ZNF521: variants seen among roughly 807,000 people sequenced by gnomAD.
ZNF521 encodes the protein zinc finger protein 521.
A neutral mutation model predicts 105.5 loss-of-function variants in ZNF521; 14 were observed. The ratio of observed to expected loss-of-function variants is 0.13; its 90% CI spans 0.09 to 0.21. The LOEUF is 0.21. ZNF521 is among the 10% of genes least tolerant of loss of function. The pLI is 1.00. For missense variants in ZNF521, 1,233 were observed against 1,629.7 expected (o/e 0.76, Z 4.19); for synonymous variants, 635 against 606.0 (o/e 1.05, Z -0.70).
chr18:25,121,780 C>A (rs1487021490), intron 5 of ZNF521, among the ~76,000 whole-genome samples: 1 of 152,038 alleles, frequency 6.6e-6, no homozygotes, highest in Non-Finnish European at 1.5e-5. Flanking sequence ...ACTCCTCCCC[C>A]CAAATATAAA....
intron 7 of ZNF521, among the ~76,000 whole-genome samples, chr18:25,064,193 T>C (rs1237811642): frequency 6.6e-6 from 1 of 152,218 alleles, no homozygotes; most frequent in East Asian, 1.9e-4. Context: ...GCCTTCAAAG[T>C]GCTCACAGTC....
chr18:25,340,620 T>C (rs1237287489), intron 2 of ZNF521, among the ~76,000 whole-genome samples: 2 of 152,244 alleles, frequency 1.3e-5, no homozygotes, highest in Non-Finnish European at 2.9e-5. Flanking sequence ...TCACAATTTC[T>C]CAACATAAGA....
chr18:25,102,016 G>T (rs903996569), intron 5 of ZNF521, among the ~76,000 whole-genome samples: 3 of 152,118 alleles, frequency 2.0e-5, no homozygotes, highest in Non-Finnish European at 4.4e-5. Flanking sequence ...ACACTTAAAA[G>T]AAAAATAAAT....
intron 5 of ZNF521, among the ~76,000 whole-genome samples, chr18:25,142,905 G>C (rs1040763052): frequency 2.6e-5 from 4 of 152,080 alleles, no homozygotes; most frequent in Admixed American, 6.6e-5. Context: ...GGTTTTAAAA[G>C]CAATTTTAAT....
intron 2 of ZNF521, among the ~76,000 whole-genome samples, chr18:25,331,315 T>C (rs575580157): frequency 7.4e-6 from 1 of 135,498 alleles, no homozygotes; most frequent in East Asian, 2.0e-4. Context: ...ACTTTAAAAC[T>C]GCTAAAAAAA....
chr18:25,191,753 C>T (rs192907836), intron 5 of ZNF521, among the ~76,000 whole-genome samples: 21 of 152,232 alleles, frequency 1.4e-4, no homozygotes, highest in African/African-American at 5.1e-4. Flanking sequence ...GCTGTTGAGC[C>T]TCATAATTTT....
intron 3 of ZNF521, among the ~76,000 whole-genome samples, chr18:25,303,242 GA>G (rs11310309): frequency 0.56 from 82,966 of 148,888 alleles, 24,601 homozygotes; most frequent in African/African-American, 0.78. Flanking sequence ...AGAATTCTGT[GA>G]AAAAAAAAAG....
intron 5 of ZNF521, among the ~76,000 whole-genome samples, chr18:25,114,237 A>G (rs2034258952): frequency 6.6e-6 from 1 of 152,204 alleles, no homozygotes; most frequent in Non-Finnish European, 1.5e-5. Context: ...GGATATAGAT[A>G]TCCACAGTGC....
chr18:25,290,764 C>T (rs997330660), intron 3 of ZNF521, among the ~76,000 whole-genome samples: 3 of 152,010 alleles, frequency 2.0e-5, no homozygotes, highest in African/African-American at 4.8e-5. Flanking sequence ...GTACCCGCCA[C>T]CACACCTGGC....
chr18:25,159,721 T>G (rs982417598), intron 5 of ZNF521, among the ~76,000 whole-genome samples: 1 of 152,150 alleles, frequency 6.6e-6, no homozygotes, highest in African/African-American at 2.4e-5. Context: ...GGGGGCCACT[T>G]CACTGTGCCA....
chr18:25,227,720 A>C lies in ZNF521; in HGVS notation c.221-23T>G, dbSNP rs1906264539. The C allele has an allele frequency of 1.3e-6, 2 of 1,587,322 alleles. No individual in the cohort carries two copies. The highest frequency in any genetic ancestry group is 1.7e-6 in the Non-Finnish European group (2 of 1,163,794). On this transcript the variant is annotated intron_variant, in intron 3 of 7. Transcript: ENST00000361524. This position sits in a 1 kb window ranked among gnomAD's most constrained non-coding sequence, Gnocchi z 5.7. The stretch of plus-strand genomic sequence containing the variant: ...CATCTGCAACAAGAAGCAATGACAA[A>C]TTTCATCTGACATGTTGAGATTCAA...
intron 4 of ZNF521, among the ~76,000 whole-genome samples, chr18:25,210,891 G>T (rs1260463786): frequency 1.3e-5 from 2 of 152,172 alleles, no homozygotes; most frequent in Non-Finnish European, 2.9e-5. Context: ...AGAGGAGAAA[G>T]ACATGTATCC....
chr18:25,331,668 T>C (rs116996633), intron 2 of ZNF521, among the ~76,000 whole-genome samples: 42 of 152,302 alleles, frequency 2.8e-4, no homozygotes, highest in Non-Finnish European at 1.6e-4. Context: ...GCCAGTCAAA[T>C]TGCAACATTT....
At chr18:25,153,621 C>A (rs552376487) in intron 5 of ZNF521, among the ~76,000 whole-genome samples, 2 of 152,176 alleles carry the variant, frequency 1.3e-5, no homozygotes, top group Middle Eastern at 3.2e-3. Flanking sequence ...AACTGCACTG[C>A]GGATGTCTCC....
chr18:25,215,758 G>A (rs1438415625), intron 4 of ZNF521, among the ~76,000 whole-genome samples: 2 of 152,148 alleles, frequency 1.3e-5, no homozygotes, highest in Admixed American at 6.5e-5. Flanking sequence ...TCAATAATGG[G>A]GGCAATGGTC....
intron 2 of ZNF521, among the ~76,000 whole-genome samples, chr18:25,331,234 T>C (rs1455259944): frequency 6.6e-6 from 1 of 151,608 alleles, no homozygotes. Flanking sequence ...CCATTTTACA[T>C]AAGAAAGATA....
At chr18:25,286,894 A>G (rs1451886504) in intron 3 of ZNF521, among the ~76,000 whole-genome samples, 1 of 152,170 alleles carries the variant, frequency 6.6e-6, no homozygotes, top group East Asian at 1.9e-4. Context: ...AAGCACATAC[A>G]AGGGTGGTTT....
chr18:25,113,793 C>CACACACACACACACAG (rs1053377440), intron 5 of ZNF521, among the ~76,000 whole-genome samples: 8 of 147,870 alleles, frequency 5.4e-5, no homozygotes, highest in African/African-American at 1.5e-4. Context: ...CACACACACA[C>CACACACACACACACAG]AGAGACGGGG....
At chr18:25,286,087 G>A (rs1266699845) in intron 3 of ZNF521, among the ~76,000 whole-genome samples, 1 of 152,176 alleles carries the variant, frequency 6.6e-6, no homozygotes, top group Admixed American at 6.5e-5. Context: ...TGGTGCTGGC[G>A]ACCTGGGGCT....
Sources: gnomAD v4.1 joint callset for allele counts (sites outside exome capture counted in the v4.1 genomes callset) on GRCh38, gnomAD v4.1.1 for gene constraint, Gnocchi (gnomAD v3.1) non-coding constraint, MANE v1.5 for transcripts, NCBI Gene and HGNC (gene_info 2026-07-23, HGNC 2026-07-21) for gene names.